The following CNIH3 variants were observed in gnomAD, a reference collection of about 807,000 sequenced individuals.
CNIH3 encodes cornichon family AMPA receptor auxiliary protein 3, also known as protein cornichon homolog 3.
Under a neutral mutation model 24.1 loss-of-function variants are expected in CNIH3, and 14 were observed. The observed-to-expected ratio is 0.58, with a 90% CI of 0.38 to 0.91. The LOEUF (loss-of-function observed/expected upper bound fraction) is 0.91. CNIH3 is among the 40% of genes least tolerant of loss of function. The pLI, the probability that CNIH3 is intolerant of heterozygous loss-of-function variation, is 0.00. For missense variants in CNIH3, 178 were observed against 196.8 expected, an observed-to-expected ratio of 0.90 and a Z score of 0.57; for synonymous variants, 68 against 73.8, an observed-to-expected ratio of 0.92 and a Z score of 0.40.
At chr1:224,557,171 G>C (rs1680171797) in intron 3 of CNIH3, among the ~76,000 whole-genome samples, 2 of 152,038 alleles carry the variant, frequency 1.3e-5, no homozygotes. Context: ...ACTCCTAGTA[G>C]CTGGGGCCAC....
At chr1:224,446,212 G>GTTTTTTTTTTTTTTTTTT (rs35812016) in intron 1 of CNIH3, among the ~76,000 whole-genome samples, 1 of 108,876 alleles carries the variant, frequency 9.2e-6, no homozygotes, top group African/African-American at 3.3e-5. Context: ...TTTCAACTTT[G>GTTTTTTTTTTTTTTTTTT]TTTTTTTTTT....
chr1:224,504,773 C>G (rs1191210310), intron 1 of CNIH3, among the ~76,000 whole-genome samples: 1 of 152,264 alleles, frequency 6.6e-6, no homozygotes, highest in East Asian at 1.9e-4. Flanking sequence ...TTTAACCTTG[C>G]TAGGCCTCAG....
chr1:224,475,546 A>G (rs1676555112), intron 1 of CNIH3, among the ~76,000 whole-genome samples: 1 of 152,198 alleles, frequency 6.6e-6, no homozygotes. Flanking sequence ...AAGAAATCCA[A>G]AACCTGAACA....
At chr1:224,526,856 G>A (rs1403848207) in intron 2 of CNIH3, among the ~76,000 whole-genome samples, 2 of 152,066 alleles carry the variant, frequency 1.3e-5, no homozygotes, top group African/African-American at 4.8e-5. Context: ...CAAAGCGTGA[G>A]CCTACACATA....
At chr1:224,504,350 G>A (rs1048060085) in intron 1 of CNIH3, among the ~76,000 whole-genome samples, 17 of 152,190 alleles carry the variant, frequency 1.1e-4, no homozygotes, top group African/African-American at 4.1e-4. Flanking sequence ...CAAGCATTTT[G>A]TAAACTATGG....
chr1:224,446,058 G>A (rs990409966), intron 1 of CNIH3, among the ~76,000 whole-genome samples: 1 of 152,132 alleles, frequency 6.6e-6, no homozygotes, highest in African/African-American at 2.4e-5. Flanking sequence ...CACTGTATAT[G>A]TGTGGGTATG....
At chr1:224,719,897 T>C (rs1269381430) in intron 3 of CNIH3, among the ~76,000 whole-genome samples, 1 of 152,232 alleles carries the variant, frequency 6.6e-6, no homozygotes, top group Non-Finnish European at 1.5e-5. Context: ...CTTGGCACAG[T>C]CCAGCTAATA....
intron 1 of CNIH3, among the ~76,000 whole-genome samples, chr1:224,441,059 G>A (rs573031412): frequency 6.6e-6 from 1 of 151,948 alleles, no homozygotes; most frequent in South Asian, 2.1e-4. Context: ...CTCATGATCC[G>A]CCCCCCTCGG....
At chr1:224,526,734 G>A (rs1374640581) in intron 2 of CNIH3, among the ~76,000 whole-genome samples, 2 of 152,076 alleles carry the variant, frequency 1.3e-5, no homozygotes, top group African/African-American at 2.4e-5. Flanking sequence ...CCTGAGACTG[G>A]GTAATTTATA....
chr1:224,577,868 C>A (rs148108239), intron 4 of CNIH3, among the ~76,000 whole-genome samples: 427 of 152,198 alleles, frequency 2.8e-3, no homozygotes, highest in African/African-American at 9.9e-3. Flanking sequence ...TATACATATA[C>A]CATGAAATAC....
At chr1:224,540,299 C>T (rs1459436386), downstream of CNIH3, among the ~76,000 whole-genome samples, 1 of 152,160 alleles carries the variant, frequency 6.6e-6, no homozygotes, top group Non-Finnish European at 1.5e-5. Flanking sequence ...CTGTGTCACC[C>T]AATAATAAGG....
rs552613158 is a variant in CNIH3, at chr1:224,458,733, C to T, written n.203+23871C>T. 6.6e-6 allele frequency among the ~76,000 whole-genome samples: 1 copy of T among 152,292 alleles called. No homozygotes were observed. Among genetic ancestry groups the T allele is most frequent in the East Asian group, 1.9e-4 (1 of 5,190 alleles). On this transcript the variant is annotated intron_variant and non_coding_transcript_variant, in intron 1 of 5. Coordinates refer to the CNIH3 transcript ENST00000471578. The surrounding 1 kb of genome is among the most constrained non-coding windows in gnomAD (Gnocchi z 4.3). ...CTTTTGTCTTGCTTGGATCCACCCA[C>T]ATACCCAAATCACCATGGGTATCAG...
chr1:224,448,809 A>G (rs1675267146), intron 1 of CNIH3, among the ~76,000 whole-genome samples: 1 of 152,212 alleles, frequency 6.6e-6, no homozygotes, highest in Non-Finnish European at 1.5e-5. Context: ...GCAAGTATCC[A>G]TGAGCTCATG....
intron 1 of CNIH3, among the ~76,000 whole-genome samples, chr1:224,471,605 T>C (rs1309166771): frequency 1.3e-5 from 2 of 151,456 alleles, no homozygotes; most frequent in Non-Finnish European, 3.0e-5. Flanking sequence ...TTTTTTTTTT[T>C]TTTGAGATGG....
At chr1:224,559,900 C>T (rs1680293887) in intron 3 of CNIH3, among the ~76,000 whole-genome samples, 1 of 152,086 alleles carries the variant, frequency 6.6e-6, no homozygotes, top group Admixed American at 6.6e-5. Context: ...GTTATGATGT[C>T]TTTGCATTTT....
intron 1 of CNIH3, among the ~76,000 whole-genome samples, chr1:224,474,197 T>G (rs1244558247): frequency 6.6e-6 from 1 of 151,974 alleles, no homozygotes; most frequent in Non-Finnish European, 1.5e-5. Flanking sequence ...AAACCCCGTC[T>G]CTACTAAAAA....
intron 3 of CNIH3, among the ~76,000 whole-genome samples, chr1:224,597,996 T>G (rs184822302): frequency 6.6e-6 from 1 of 152,336 alleles, no homozygotes; most frequent in Admixed American, 6.5e-5. Flanking sequence ...ACTGATTGTT[T>G]GCTTGGTGTG....
chr1:224,583,247 T>G (rs1478284746), exon 5 of CNIH3: 1 of 152,262 alleles, frequency 6.6e-6, no homozygotes, highest in Non-Finnish European at 1.5e-5. Context: ...CACAGAAGGC[T>G]TTCTGGAGGC....
At chr1:224,538,467 G>A (rs1022946568), downstream of CNIH3, among the ~76,000 whole-genome samples, 36 of 152,088 alleles carry the variant, frequency 2.4e-4, no homozygotes, top group African/African-American at 8.0e-4. Flanking sequence ...TGATGTGGTC[G>A]TAGCACCGAA....
Sources: gnomAD v4.1 joint callset for allele counts (sites outside exome capture counted in the v4.1 genomes callset) on GRCh38, gnomAD v4.1.1 for gene constraint, Gnocchi (gnomAD v3.1) non-coding constraint, MANE v1.5 for transcripts, NCBI Gene and HGNC (gene_info 2026-07-23, HGNC 2026-07-21) for gene names.